Variants in IL17RD observed in about 807,000 individuals in gnomAD.
IL17RD encodes interleukin 17 receptor D.
A neutral mutation model predicts 80.5 loss-of-function variants in IL17RD; 52 were observed. The observed-to-expected ratio is 0.65, with a 90% CI of 0.52 to 0.81. The LOEUF is 0.81. Among genes scored for constraint, IL17RD ranks in the 40% least tolerant of loss-of-function variants. The pLI, the probability that IL17RD is intolerant of heterozygous loss-of-function variation, is 0.00. For synonymous variants in IL17RD, 416 were observed against 391.8 expected (o/e 1.06, Z -0.73); for missense variants, 1,024 against 955.1 (o/e 1.07, Z -0.95).
intron 1 of IL17RD, among the ~76,000 whole-genome samples, chr3:57,158,267 T>C (rs1340337067): frequency 6.6e-6 from 1 of 152,190 alleles, no homozygotes; most frequent in Non-Finnish European, 1.5e-5. Flanking sequence ...TGAAGAAAGG[T>C]ACAATAAAAT....
chr3:57,165,388 G>A, upstream of IL17RD: 2 of 1,042,286 alleles, frequency 1.9e-6, no homozygotes, highest in African/African-American at 1.7e-5. Context: ...CGGCAGCGAA[G>A]GGGACCGCAC....
intron 1 of IL17RD, among the ~76,000 whole-genome samples, chr3:57,164,437 C>A (rs767086546): frequency 2.0e-5 from 3 of 152,220 alleles, no homozygotes; most frequent in Non-Finnish European, 4.4e-5. Context: ...AGTCTGGGCA[C>A]CTCTCCAGTC....
intron 2 of IL17RD, among the ~76,000 whole-genome samples, chr3:57,117,303 A>ATT (rs1707238804): frequency 1.3e-5 from 2 of 152,072 alleles, no homozygotes; most frequent in African/African-American, 4.8e-5. Flanking sequence ...TAGTAGAGAC[A>ATT]GAGTTTCACC....
At chr3:57,152,773 T>C (rs2107538494) in intron 1 of IL17RD, among the ~76,000 whole-genome samples, 1 of 152,294 alleles carries the variant, frequency 6.6e-6, no homozygotes, top group East Asian at 1.9e-4. Context: ...TCTAATAAAA[T>C]AATGTAGGTA....
chr3:57,145,114 T>A (rs1317883424), intron 1 of IL17RD, among the ~76,000 whole-genome samples: 1 of 152,206 alleles, frequency 6.6e-6, no homozygotes, highest in African/African-American at 2.4e-5. Context: ...CCTAGCACAG[T>A]ACCCAAATCC....
In IL17RD at chr3:57,101,677, A is replaced by T. The variant is rs570076950; in HGVS notation, c.980-314T>A. 1.4e-4 allele frequency among the ~76,000 whole-genome samples: 22 copies of T among 152,376 alleles called. 1 individual carries two copies. The East Asian group carries it at 4.2e-3, about 29-fold the overall frequency. ...TGCCCAGAACTGGCTCTTGCAGCCA[A>T]GTGCACCTAGTAGACCAATTAAGCA... On this transcript the variant is annotated intron_variant, in intron 10 of 12. Coordinates refer to ENST00000296318, the MANE Select transcript of IL17RD (RefSeq NM_017563.5).
chr3:57,101,043 C>T, intron 11 of IL17RD, 136 bp downstream of exon 11: 1 of 630,672 alleles, frequency 1.6e-6, no homozygotes, highest in Admixed American at 2.9e-5. Context: ...CGAGACTATC[C>T]CCAGTTTGAA....
intron 1 of IL17RD, among the ~76,000 whole-genome samples, chr3:57,145,045 C>G (rs17057771): frequency 0.015 from 2,340 of 152,256 alleles, 57 homozygotes; most frequent in African/African-American, 0.053. Context: ...ATATGCAGAT[C>G]AACTGTCAAA....
At chr3:57,118,379 T>C (rs1707263023) in intron 2 of IL17RD, among the ~76,000 whole-genome samples, 1 of 152,224 alleles carries the variant, frequency 6.6e-6, no homozygotes, top group Admixed American at 6.5e-5. Context: ...AATTGTTAGA[T>C]TGTAACCGCA....
chr3:57,155,281 G>A (rs73833807), intron 1 of IL17RD, among the ~76,000 whole-genome samples: 2,058 of 152,312 alleles, frequency 0.014, 46 homozygotes, highest in African/African-American at 0.047. Flanking sequence ...GTCCAAAACC[G>A]GGATGCTTAG....
chr3:57,162,589 G>A, intron 1 of IL17RD, among the ~76,000 whole-genome samples: 1 of 152,186 alleles, frequency 6.6e-6, no homozygotes, highest in East Asian at 1.9e-4. Flanking sequence ...AGTGATGCTA[G>A]GGCCGAGAAA....
At chr3:57,168,876 C>T (rs2060358618), upstream of IL17RD, among the ~76,000 whole-genome samples, 1 of 152,206 alleles carries the variant, frequency 6.6e-6, no homozygotes, top group Non-Finnish European at 1.5e-5. Flanking sequence ...GCCACCATGC[C>T]TGGCTAATTT....
At chr3:57,121,333 C>G (rs1383602010) in intron 1 of IL17RD, among the ~76,000 whole-genome samples, 1 of 152,124 alleles carries the variant, frequency 6.6e-6, no homozygotes, top group African/African-American at 2.4e-5. Flanking sequence ...GGTTTTCAGC[C>G]ACAACCACAT....
chr3:57,135,143 C>CA (rs1451577750), intron 1 of IL17RD, among the ~76,000 whole-genome samples: 2 of 139,842 alleles, frequency 1.4e-5, no homozygotes, highest in African/African-American at 2.9e-5. Context: ...ACAAAAAACA[C>CA]ACAAAAAAAA....
intron 12 of IL17RD, chr3:57,097,350 T>C (rs972811439): frequency 2.0e-5 from 11 of 550,332 alleles, no homozygotes; most frequent in African/African-American, 3.8e-5. Context: ...GCATAGTCTG[T>C]ATGTGGCACA....
rs149732467 is a variant in IL17RD, at chr3:57,110,000, C to T, written c.429+193G>A. ...AGCAGTAACCCGAGAGGCATGTTTA[C>T]ACAGGGAGGTGCTGAAGAATTTCCC... On this transcript the variant is annotated intron_variant, in intron 4 of 12. Transcript: ENST00000296318. 0.014 allele frequency among the ~76,000 whole-genome samples: 2,140 copies of T among 152,326 alleles called. 59 individuals carry two copies. Among genetic ancestry groups the T allele is most frequent in the African/African-American group, 0.049 (2,044 of 41,538 alleles).
At chr3:57,167,979 C>G (rs1007494743), upstream of IL17RD, among the ~76,000 whole-genome samples, 2 of 152,040 alleles carry the variant, frequency 1.3e-5, no homozygotes, top group Admixed American at 6.6e-5. Context: ...TACAGGCGCG[C>G]AACACTGCAC....
rs1289950008 is a variant in IL17RD at position 57,165,318 on chromosome 3, T to C, written c.-32A>G. ...GCGCTCGCCCAGCCAGGCCGTTCTC[T>C]GCGCCCCGGCCGCCCGCCGCTGGCC... On this transcript the variant is annotated 5_prime_UTR_variant, in exon 1 of 13. Transcript: ENST00000296318. The C allele has an allele frequency of 2.3e-6, 3 of 1,327,486 alleles. No individual in the cohort carries two copies. Among genetic ancestry groups the C allele is most frequent in the Admixed American group, 7.0e-5 (2 of 28,524 alleles). 82.2% of individuals were successfully genotyped at this position (1,327,486 alleles called of 1,614,324 possible).
intron 7 of IL17RD, among the ~76,000 whole-genome samples, chr3:57,105,547 AAAAAAAT>A (rs1238157677): frequency 3.6e-5 from 4 of 112,536 alleles, no homozygotes; most frequent in African/African-American, 1.6e-4. Flanking sequence ...AAAAAAAAAA[AAAAAAAT>A]ATATATATAT....
Sources: allele counts gnomAD v4.1 joint callset (sites outside exome capture counted in the v4.1 genomes callset), GRCh38; gene constraint gnomAD v4.1.1; transcripts MANE v1.5; gene names NCBI Gene and HGNC (gene_info 2026-07-23, HGNC 2026-07-21).